The following SYTL2 variants were observed in gnomAD, a reference collection of about 807,000 sequenced individuals.
SYTL2 encodes the protein synaptotagmin-like protein 2.
Under a neutral mutation model 198.7 loss-of-function variants are expected in SYTL2, and 165 were observed. That is an observed-to-expected ratio of 0.83 (90% CI 0.73 to 0.94). The LOEUF (loss-of-function observed/expected upper bound fraction) is 0.94. Ranked by LOEUF, SYTL2 falls within the 40% of genes least tolerant of loss-of-function variation. The probability of loss-of-function intolerance (pLI) is 0.00; values close to 1 mark genes in which losing one functional copy is unlikely to be tolerated. For synonymous variants in SYTL2, 966 were observed against 917.7 expected, an observed-to-expected ratio of 1.05 and a Z score of -0.95; for missense variants, 2,835 against 2,582.8, an observed-to-expected ratio of 1.10 and a Z score of -2.12.
intron 1 of SYTL2, among the ~76,000 whole-genome samples, chr11:85,782,677 T>G (rs972750448): frequency 9.9e-5 from 15 of 152,258 alleles, no homozygotes; most frequent in African/African-American, 3.6e-4. Flanking sequence ...AGGTCACATC[T>G]TGAACACTTT....
At position 85,727,706 on chromosome 11, in the gene SYTL2, G is replaced by A; in HGVS notation, c.1652C>T (p.Thr551Ile). Reference protein sequence around the residue: ...HPRGIESKEKTDSKSQVAVDL... With the variant: ...HPRGIESKEKIDSKSQVAVDL... The stretch of plus-strand genomic sequence containing the variant: ...AACAGCAACCTGTGATTTTGAGTCT[G>A]TTTTTTCTTTGGACTCTATTCCTCG... Residue 551 changes from threonine to isoleucine, a missense_variant, in exon 8 of 20, where the codon ACA (threonine) becomes ATA (isoleucine). Around this residue, in one of 3 missense-constraint regions of SYTL2, gnomAD observed 2,645 missense variants for 2,381.7 expected, o/e 1.11. Transcript: ENST00000359152. 1.3e-6 allele frequency: 2 copies of A among 1,546,188 alleles called. No individual in the cohort carries two copies. Among genetic ancestry groups the A allele is most frequent in the Non-Finnish European group, 8.7e-7 (1 of 1,146,978 alleles).
intron 2 of SYTL2, among the ~76,000 whole-genome samples, chr11:85,756,066 ACTC>A (rs1803122455): frequency 6.6e-6 from 1 of 152,078 alleles, no homozygotes; most frequent in Non-Finnish European, 1.5e-5. Flanking sequence ...TCCTGCCCTT[ACTC>A]CTCAATGGTT....
Position 85,718,850 on chromosome 11 carries a change from A to C in SYTL2, c.5429-7T>G. The C allele has an allele frequency of 6.2e-7, 1 of 1,613,360 alleles. No homozygotes were observed. Among genetic ancestry groups the C allele is most frequent in the Non-Finnish European group, 8.5e-7 (1 of 1,179,588 alleles). ...TTATCTACTTTTGCTTGATCTGTTC[A>C]GAAGAAATTAACAAATGGTTAACAT... On this transcript the variant is annotated splice_region_variant and splice_polypyrimidine_tract_variant and intron_variant, in intron 9 of 19. Coordinates refer to ENST00000359152, the MANE Select transcript of SYTL2 (RefSeq NM_206927.4).
the SYTL2 span, among the ~76,000 whole-genome samples, chr11:85,833,150 G>A: frequency 1.6e-3 from 114 of 73,390 alleles, 2 homozygotes; most frequent in Middle Eastern, 0.014. Flanking sequence ...AAGGAAGGAA[G>A]GAAGGAAAGA....
Position 85,739,393 on chromosome 11 carries a change from C to T in SYTL2, c.390-1737G>A, listed in dbSNP as rs575013. Among the ~76,000 whole-genome samples, 149 of 151,708 alleles carry T rather than the reference C, an allele frequency of 9.8e-4. 1 individual carries two copies. Among genetic ancestry groups the T allele is most frequent in the African/African-American group, 3.4e-3 (142 of 41,324 alleles). On this transcript the variant is annotated intron_variant, in intron 4 of 19. Transcript: ENST00000359152. ...AAACAAAACAGTCAGAACACATAGT[C>T]AGACACTAAAATATTAGAAACACAC...
chr11:85,696,124 C>G lies in SYTL2; in HGVS notation c.6574+59G>C. 1.4e-6 allele frequency: 2 copies of G among 1,413,636 alleles called. 1 individual carries two copies. The highest frequency in any genetic ancestry group is 2.3e-5 in the South Asian group (2 of 86,004). 87.6% of individuals were successfully genotyped at this position (1,413,636 alleles called of 1,614,324 possible). ...GGGAAGAAGCAAAGCAACAAACAAA[C>G]CTCTAGTATCTCTAGAAAAATTTGG... On this transcript the variant is annotated intron_variant, in intron 19 of 19. Transcript: ENST00000359152.
intron 1 of SYTL2, among the ~76,000 whole-genome samples, chr11:85,792,963 A>AT: frequency 6.6e-6 from 1 of 151,410 alleles, no homozygotes; most frequent in Non-Finnish European, 1.5e-5. Context: ...TGAACTCATC[A>AT]TTTTTTATGG....
Position 85,727,620 on chromosome 11 carries a change from T to C in SYTL2, c.1738A>G (p.Lys580Glu), listed in dbSNP as rs781075732. 3.3e-5 allele frequency: 51 copies of C among 1,536,002 alleles called. No homozygotes were observed. The highest frequency in any genetic ancestry group is 4.3e-5 in the Non-Finnish European group (49 of 1,146,860). Residue 580 changes from lysine to glutamate, a missense_variant, in exon 8 of 20, where the codon AAA becomes GAA. Physicochemically the swap from Lys to Glu is moderately conservative, Grantham distance 56. This residue lies in a region of SYTL2 where 2,645 missense variants were observed against 2,381.7 expected (regional missense o/e 1.11). Transcript: ENST00000359152. Reference protein sequence around the residue: ...ENGSKTLSPSKIELKPVRSDS... With the variant: ...ENGSKTLSPSEIELKPVRSDS... Reference sequence around the variant, plus strand: ...GATCTCACAGGCTTCAATTCAATTTTGCTGGGTGATAGGGTCTTTGAGCCA... The same window carrying C: ...GATCTCACAGGCTTCAATTCAATTTCGCTGGGTGATAGGGTCTTTGAGCCA...
At chr11:85,836,429 T>A in the SYTL2 span, among the ~76,000 whole-genome samples, 3 of 152,114 alleles carry the variant, frequency 2.0e-5, no homozygotes, top group African/African-American at 7.2e-5. Context: ...TGGAAATCTC[T>A]AATCTTATAG....
At chr11:85,740,477 G>A (rs2153507351) in intron 4 of SYTL2, among the ~76,000 whole-genome samples, 1 of 152,192 alleles carries the variant, frequency 6.6e-6, no homozygotes, top group African/African-American at 2.4e-5. Context: ...TTTCTTCCTG[G>A]CACTATTTGC....
Position 85,726,311 on chromosome 11 carries a change from T to A in SYTL2, c.3047A>T (p.Asn1016Ile). ...GCTGAATTCCTTGTGTTTCTGCCTA[T>A]TAAAAGGTGCAGAATTTTTTTGGCT... ...TTSQKNSAPF[N>I]RQKHKEFSDI... The change falls in exon 8 of 20, where the codon AAT (asparagine) becomes ATT (isoleucine). Residue 1016 changes from asparagine to isoleucine, a missense_variant. Coordinates refer to ENST00000359152, the MANE Select transcript of SYTL2 (RefSeq NM_206927.4). The A allele has an allele frequency of 6.2e-7, 1 of 1,614,116 alleles. No homozygotes were observed. The highest frequency in any genetic ancestry group is 8.5e-7 in the Non-Finnish European group (1 of 1,179,990).
chr11:85,760,432 A>C (rs1003021606), intron 1 of SYTL2, among the ~76,000 whole-genome samples: 6 of 152,258 alleles, frequency 3.9e-5, no homozygotes, highest in Non-Finnish European at 7.3e-5. Flanking sequence ...AACAAATAAA[A>C]GAATGAGCAA....
At chr11:85,807,739 G>T (rs1022944088) in intron 1 of SYTL2, among the ~76,000 whole-genome samples, 1 of 152,182 alleles carries the variant, frequency 6.6e-6, no homozygotes, top group Non-Finnish European at 1.5e-5. Context: ...CAAGAGTACA[G>T]CTTGACCCTG....
chr11:85,780,541 T>C (rs1001601318), intron 1 of SYTL2, among the ~76,000 whole-genome samples: 1 of 152,224 alleles, frequency 6.6e-6, no homozygotes, highest in South Asian at 2.1e-4. Context: ...GTCACGCCTA[T>C]GTAACGAAGC....
At chr11:85,852,524 C>G in the SYTL2 span, 1 of 162,180 alleles carries the variant, frequency 6.2e-6, no homozygotes, top group African/African-American at 2.4e-5. Flanking sequence ...CAGGCGCGCA[C>G]CGCCACACCT....
At chr11:85,791,166 CAAAAAAAAAAAA>C (rs568061365) in intron 1 of SYTL2, among the ~76,000 whole-genome samples, 1 of 39,516 alleles carries the variant, frequency 2.5e-5, no homozygotes, top group African/African-American at 1.3e-4. Flanking sequence ...GAGTCTGCCT[CAAAAAAAAAAAA>C]AAAAAAAAAA....
chr11:85,700,620 T>G, intron 16 of SYTL2, 27 bp from the exon 17 acceptor site: 1 of 1,579,204 alleles, frequency 6.3e-7, no homozygotes, highest in Non-Finnish European at 8.7e-7. Context: ...TGTCAGCAGG[T>G]GGGAGACAAA....
chr11:85,760,549 C>T (rs2092068746), intron 1 of SYTL2, among the ~76,000 whole-genome samples: 1 of 152,106 alleles, frequency 6.6e-6, no homozygotes, highest in South Asian at 2.1e-4. Flanking sequence ...CAAAAGCTGG[C>T]AAGAAAATAG....
intron 1 of SYTL2, among the ~76,000 whole-genome samples, chr11:85,807,256 C>A (rs572626943): frequency 6.6e-6 from 1 of 152,304 alleles, no homozygotes; most frequent in African/African-American, 2.4e-5. Context: ...ATACTAGCCA[C>A]CAAGGAAACC....
Sources: gnomAD v4.1 joint callset for allele counts (sites outside exome capture counted in the v4.1 genomes callset) on GRCh38, gnomAD v4.1.1 for gene constraint, gnomAD v4.1.1 regional missense constraint, MANE v1.5 for transcripts, NCBI Gene and HGNC (gene_info 2026-07-23, HGNC 2026-07-21) for gene names.